Variants in DGKI observed in about 807,000 individuals in gnomAD.
DGKI encodes the protein diacylglycerol kinase iota, also known as DAG kinase iota.
Under a neutral mutation model 147.5 loss-of-function variants are expected in DGKI, and 55 were observed. The ratio of observed to expected loss-of-function variants is 0.37; its 90% CI spans 0.30 to 0.47. The LOEUF is 0.47. Among genes scored for constraint, DGKI ranks in the 20% least tolerant of loss-of-function variants. The pLI, the probability that DGKI is intolerant of heterozygous loss-of-function variation, is 1.00. For missense variants in DGKI, 1,007 were observed against 1,323.8 expected (o/e 0.76, Z 3.71); for synonymous variants, 469 against 477.1 (o/e 0.98, Z 0.22).
intron 20 of DGKI, among the ~76,000 whole-genome samples, chr7:137,530,703 C>T: frequency 6.6e-6 from 1 of 152,158 alleles, no homozygotes; most frequent in South Asian, 2.1e-4. Flanking sequence ...CATTCTTCAT[C>T]ACACCTAATC....
intron 1 of DGKI, among the ~76,000 whole-genome samples, chr7:137,741,530 C>T (rs1795172617): frequency 6.6e-6 from 1 of 152,188 alleles, no homozygotes; most frequent in Admixed American, 6.5e-5. Flanking sequence ...TTTAGGATCA[C>T]AGAGGTTATG....
At chr7:137,534,924 G>A (rs1817467404) in intron 20 of DGKI, among the ~76,000 whole-genome samples, 1 of 152,098 alleles carries the variant, frequency 6.6e-6, no homozygotes, top group Admixed American at 6.6e-5. Flanking sequence ...AACATGACTA[G>A]TGTCTTTTAT....
intron 30 of DGKI, 77 bp from the exon 31 acceptor site, chr7:137,397,490 G>A (rs1409014084): frequency 1.4e-6 from 2 of 1,441,780 alleles, no homozygotes; most frequent in African/African-American, 1.4e-5. Flanking sequence ...TATAGTCACA[G>A]AATTAAAATG....
Position 137,572,626 on chromosome 7 carries a change from A to G in DGKI, c.1835+139T>C, listed in dbSNP as rs1470124403. 6.5e-6 allele frequency: 4 copies of G among 611,366 alleles called. No individual in the cohort carries two copies. In the East Asian group the frequency reaches 8.3e-5, roughly 13 times the overall value. The allele number at this position is 611,366 out of a possible 1,614,324, so 37.9% of individuals were successfully genotyped here. On this transcript the variant is annotated intron_variant, in intron 18 of 32. Transcript: ENST00000614521. ...AATAAACCAAATCGGAGAATGAATTATCAGACCTAGAAATCTTTAATTACC... is the reference window on the plus strand; with the variant it reads ...AATAAACCAAATCGGAGAATGAATTGTCAGACCTAGAAATCTTTAATTACC...
At chr7:137,643,151 C>A (rs372234696) in intron 6 of DGKI, among the ~76,000 whole-genome samples, 27 of 151,520 alleles carry the variant, frequency 1.8e-4, no homozygotes, top group African/African-American at 6.1e-4. Context: ...ATTAGCCGGG[C>A]GTGTTGGCGG....
intron 28 of DGKI, among the ~76,000 whole-genome samples, chr7:137,442,154 T>C (rs1031298042): frequency 3.3e-5 from 5 of 152,182 alleles, no homozygotes; most frequent in African/African-American, 1.2e-4. Context: ...GGTATGAACA[T>C]GTAAGAAATT....
chr7:137,426,726 C>CA (rs1352565864), intron 28 of DGKI, among the ~76,000 whole-genome samples: 2 of 148,106 alleles, frequency 1.4e-5, no homozygotes, highest in East Asian at 2.0e-4. Context: ...AAATGGAAAA[C>CA]AAAAAAAGGC....
At chr7:137,482,393 C>T (rs1396040824) in intron 23 of DGKI, among the ~76,000 whole-genome samples, 1 of 151,858 alleles carries the variant, frequency 6.6e-6, no homozygotes, top group African/African-American at 2.4e-5. Context: ...ACAGTGGGCC[C>T]TCCTCTTTAA....
chr7:137,468,758 C>T (rs1356506790), intron 24 of DGKI, among the ~76,000 whole-genome samples: 2 of 152,104 alleles, frequency 1.3e-5, no homozygotes, highest in Non-Finnish European at 2.9e-5. Flanking sequence ...TGCTGCCATC[C>T]CAATGCTTGC....
intron 28 of DGKI, among the ~76,000 whole-genome samples, chr7:137,435,073 G>A (rs1454828342): frequency 2.0e-5 from 3 of 152,182 alleles, no homozygotes. Context: ...TAATGAGGCT[G>A]CAATGGGATT....
At chr7:137,820,453 T>G (rs1303044686) in intron 1 of DGKI, among the ~76,000 whole-genome samples, 1 of 152,226 alleles carries the variant, frequency 6.6e-6, no homozygotes, top group Non-Finnish European at 1.5e-5. Flanking sequence ...GTGAGAGCCC[T>G]GCACCTTGCA....
At chr7:137,819,590 G>A (rs1181170143) in intron 1 of DGKI, among the ~76,000 whole-genome samples, 2 of 152,116 alleles carry the variant, frequency 1.3e-5, no homozygotes, top group East Asian at 1.9e-4. Flanking sequence ...GATTACAGGC[G>A]TGAGCCACCG....
chr7:137,574,893 C>A (rs1468676194), intron 17 of DGKI, among the ~76,000 whole-genome samples: 1 of 152,276 alleles, frequency 6.6e-6, no homozygotes, highest in African/African-American at 2.4e-5. Context: ...ACATTACTAG[C>A]TATTGCATTA....
intron 19 of DGKI, among the ~76,000 whole-genome samples, chr7:137,568,182 C>T (rs1717777825): frequency 6.6e-6 from 1 of 152,210 alleles, no homozygotes; most frequent in African/African-American, 2.4e-5. Flanking sequence ...TTTAGCACCA[C>T]CTGTGATCAC....
At position 137,486,232 on chromosome 7, in the gene DGKI, T is replaced by C. The variant is rs191310333; in HGVS notation, c.2329-814A>G. Among the ~76,000 whole-genome samples the C allele has an allele frequency of 1.1e-4, 17 of 152,262 alleles. No homozygotes were observed. In the East Asian group the frequency reaches 3.3e-3, roughly 29 times the overall value. On this transcript the variant is annotated intron_variant, in intron 22 of 32. Transcript: ENST00000614521. ...TAAAAATCCTACTTTTAGTTGAATA[T>C]TGGTGCATTAAGCATGCTATTAAGT...
intron 3 of DGKI, among the ~76,000 whole-genome samples, chr7:137,667,304 T>A (rs983113851): frequency 3.3e-5 from 5 of 152,032 alleles, no homozygotes; most frequent in African/African-American, 1.2e-4. Flanking sequence ...TTCACAAATT[T>A]CAAGCAGACA....
chr7:137,662,240 C>CTTTTTTTTTTT (rs1170356266), intron 3 of DGKI, among the ~76,000 whole-genome samples: 1 of 126,444 alleles, frequency 7.9e-6, no homozygotes, highest in Admixed American at 7.9e-5. Flanking sequence ...CAGCACACTC[C>CTTTTTTTTTTT]TTTTTTTTTT....
chr7:137,403,080 A>AG (rs1341317726), intron 30 of DGKI, among the ~76,000 whole-genome samples: 1 of 151,760 alleles, frequency 6.6e-6, no homozygotes, highest in Admixed American at 6.6e-5. Flanking sequence ...GGGGCAAACG[A>AG]GGGGGGAGGG....
At chr7:137,712,207 C>T (rs1794237381) in intron 1 of DGKI, among the ~76,000 whole-genome samples, 5 of 152,134 alleles carry the variant, frequency 3.3e-5, no homozygotes, top group Admixed American at 3.3e-4. Flanking sequence ...AAATAAGCAA[C>T]AGACTTCAGA....
Sources: gnomAD v4.1 joint callset for allele counts (sites outside exome capture counted in the v4.1 genomes callset) on GRCh38, gnomAD v4.1.1 for gene constraint, MANE v1.5 for transcripts, NCBI Gene and HGNC (gene_info 2026-07-23, HGNC 2026-07-21) for gene names.